Variants in KIF2A observed in about 807,000 individuals in gnomAD.
KIF2A encodes the protein kinesin-like protein KIF2A.
A neutral mutation model predicts 100.2 loss-of-function variants in KIF2A; 22 were observed. The observed-to-expected ratio is 0.22, with a 90% CI of 0.16 to 0.31. The LOEUF (loss-of-function observed/expected upper bound fraction) is 0.31, where lower values mean the gene tolerates loss of function less well. Among genes scored for constraint, KIF2A ranks in the 10% least tolerant of loss-of-function variants. The pLI is 1.00. For missense variants in KIF2A, 495 were observed against 898.7 expected (o/e 0.55, Z 5.74); for synonymous variants, 268 against 285.9 (o/e 0.94, Z 0.63).
rs1285655979 is a variant in KIF2A, at chr5:62,334,906, C to T, written c.65-12224C>T. 2.6e-5 allele frequency among the ~76,000 whole-genome samples: 4 copies of T among 152,182 alleles called. No homozygotes were observed. In the East Asian group the frequency reaches 7.7e-4, roughly 29 times the overall value. On this transcript the variant is annotated intron_variant, in intron 1 of 20. Transcript: ENST00000407818. ...ATTATGGAATACTCCCCGCCTCGGC[C>T]CACTGGGCTTGGGCAAGTCTTCACT...
In KIF2A at chr5:62,387,382, A is replaced by G. The variant is rs968483211; in HGVS notation, c.*1813A>G. 7.9e-5 allele frequency: 12 copies of G among 152,320 alleles called. No homozygotes were observed. The highest frequency in any genetic ancestry group is 2.0e-4 in the Admixed American group (3 of 15,302). The allele number at this position is 152,320 out of a possible 1,614,324, so 9.4% of individuals were successfully genotyped here. Reference sequence around the variant, plus strand: ...CCAACTTTCAAAGGGCAATAAAGACATGTGAATTTGCTCATTTTAAAGCAC... The same window carrying G: ...CCAACTTTCAAAGGGCAATAAAGACGTGTGAATTTGCTCATTTTAAAGCAC... On this transcript the variant is annotated 3_prime_UTR_variant, in exon 21 of 21. Coordinates refer to ENST00000407818, the MANE Select transcript of KIF2A (RefSeq NM_001098511.3).
intron 1 of KIF2A, among the ~76,000 whole-genome samples, chr5:62,310,444 A>T (rs1247934111): frequency 3.3e-5 from 5 of 152,192 alleles, no homozygotes; most frequent in Admixed American, 3.3e-4. Flanking sequence ...TTCCTTGCAC[A>T]TCGTTTTTGA....
intron 1 of KIF2A, among the ~76,000 whole-genome samples, chr5:62,307,777 C>A (rs1018915277): frequency 3.9e-5 from 6 of 152,116 alleles, no homozygotes; most frequent in African/African-American, 1.4e-4. Flanking sequence ...TCACCACACC[C>A]AGCTAATTTT....
chr5:62,363,974 T>A, intron 14 of KIF2A, 75 bp downstream of exon 14: 2 of 1,128,230 alleles, frequency 1.8e-6, no homozygotes, highest in Non-Finnish European at 2.5e-6. Context: ...TGCAAAATAG[T>A]AGTACTTGTT....
chr5:62,381,969 T>TA (rs1741791359), intron 20 of KIF2A, among the ~76,000 whole-genome samples: 1 of 152,222 alleles, frequency 6.6e-6, no homozygotes, highest in Admixed American at 6.5e-5. Context: ...CTTTTTGGTT[T>TA]TTTAGTTAGC....
chr5:62,383,969 C>G (rs1741904750), intron 20 of KIF2A, among the ~76,000 whole-genome samples: 1 of 151,864 alleles, frequency 6.6e-6, no homozygotes. Context: ...AAAATTTGGG[C>G]CAGACACCTG....
At chr5:62,359,148 A>C (rs1161765433) in intron 9 of KIF2A, among the ~76,000 whole-genome samples, 1 of 152,186 alleles carries the variant, frequency 6.6e-6, no homozygotes, top group Non-Finnish European at 1.5e-5. Context: ...AAAATAATTC[A>C]AATTTATCTG....
chr5:62,333,429 C>A (rs1276829684), intron 1 of KIF2A, among the ~76,000 whole-genome samples: 1 of 152,028 alleles, frequency 6.6e-6, no homozygotes, highest in Non-Finnish European at 1.5e-5. Flanking sequence ...CAGGAAGGAA[C>A]GGGAGGAAGA....
intron 18 of KIF2A, among the ~76,000 whole-genome samples, chr5:62,374,658 A>G (rs192012347): frequency 6.6e-6 from 1 of 152,298 alleles, no homozygotes; most frequent in Admixed American, 6.5e-5. Flanking sequence ...GCTTAAAAAC[A>G]AGCCAGGCGC....
chr5:62,325,799 G>C (rs887890341), intron 1 of KIF2A, among the ~76,000 whole-genome samples: 1 of 152,184 alleles, frequency 6.6e-6, no homozygotes, highest in Admixed American at 6.5e-5. Flanking sequence ...GTACACAATG[G>C]AAAATAAATT....
chr5:62,370,168 T>C (rs1387846144), intron 16 of KIF2A, among the ~76,000 whole-genome samples: 1 of 152,230 alleles, frequency 6.6e-6, no homozygotes, highest in Non-Finnish European at 1.5e-5. Context: ...CATATCCTTA[T>C]ATTAGAATCA....
intron 1 of KIF2A, among the ~76,000 whole-genome samples, chr5:62,336,725 A>G (rs1235826247): frequency 6.6e-6 from 1 of 152,246 alleles, no homozygotes; most frequent in Non-Finnish European, 1.5e-5. Context: ...TCATCTTAAG[A>G]ATTTAAGGGG....
At chr5:62,363,962 G>C (rs1740929728) in intron 14 of KIF2A, 63 bp downstream of exon 14, 1 of 1,307,444 alleles carries the variant, frequency 7.6e-7, no homozygotes, top group African/African-American at 1.5e-5. Flanking sequence ...TCTTTACTCA[G>C]TTGCAAAATA....
chr5:62,323,148 C>T lies in KIF2A; in HGVS notation c.64+16612C>T, dbSNP rs1311293115. 4.0e-5 allele frequency among the ~76,000 whole-genome samples: 6 copies of T among 151,290 alleles called. No homozygotes were observed. In the East Asian group the frequency reaches 1.2e-3, roughly 29 times the overall value. ...GCGCATGCCTGTAATCCCAGCTACTCAGCAGGCTGAGGCAGGATAATCGCT... is the reference window on the plus strand; with the variant it reads ...GCGCATGCCTGTAATCCCAGCTACTTAGCAGGCTGAGGCAGGATAATCGCT... On this transcript the variant is annotated intron_variant, in intron 1 of 20. Coordinates refer to ENST00000407818, the MANE Select transcript of KIF2A (RefSeq NM_001098511.3).
chr5:62,310,070 CTTT>C (rs5868308), intron 1 of KIF2A, among the ~76,000 whole-genome samples: 2 of 142,764 alleles, frequency 1.4e-5, no homozygotes, highest in Admixed American at 7.0e-5. Flanking sequence ...ACTAATAATT[CTTT>C]TTTTTTTTTT....
At chr5:62,308,674 C>A (rs1394603723) in intron 1 of KIF2A, among the ~76,000 whole-genome samples, 1 of 151,934 alleles carries the variant, frequency 6.6e-6, no homozygotes, top group East Asian at 1.9e-4. Flanking sequence ...AAGCCAGACA[C>A]CAAGGAAAAT....
At chr5:62,306,804 G>C (rs1561241233) in intron 1 of KIF2A, 3 of 462,240 alleles carry the variant, frequency 6.5e-6, no homozygotes, top group Non-Finnish European at 1.1e-5. Flanking sequence ...CGTCTCCGGG[G>C]GTCTCTGGGC....
At chr5:62,355,026 A>G in intron 6 of KIF2A, 133 bp from the exon 7 acceptor site, 1 of 556,390 alleles carries the variant, frequency 1.8e-6, no homozygotes, top group Non-Finnish European at 3.2e-6. Context: ...GTGAAACTAT[A>G]TAATATCGTC....
intron 7 of KIF2A, among the ~76,000 whole-genome samples, chr5:62,355,770 T>C (rs1748068981): frequency 6.6e-6 from 1 of 151,880 alleles, no homozygotes; most frequent in African/African-American, 2.4e-5. Flanking sequence ...TTGCTGTTGA[T>C]GAATGAGAAT....
Sources: allele counts gnomAD v4.1 joint callset (sites outside exome capture counted in the v4.1 genomes callset), GRCh38; gene constraint gnomAD v4.1.1; transcripts MANE v1.5; gene names NCBI Gene and HGNC (gene_info 2026-07-23, HGNC 2026-07-21).